TRPC4AP: variants seen among roughly 807,000 people sequenced by gnomAD.
TRPC4AP encodes transient receptor potential cation channel subfamily C member 4 associated protein.
A neutral mutation model predicts 99.0 loss-of-function variants in TRPC4AP; 45 were observed. That is an observed-to-expected ratio of 0.45 (90% CI 0.36 to 0.58). The LOEUF (loss-of-function observed/expected upper bound fraction) is 0.58, where lower values mean the gene tolerates loss of function less well. Among genes scored for constraint, TRPC4AP ranks in the 20% least tolerant of loss-of-function variants. The pLI is 0.00. For missense variants in TRPC4AP, 879 were observed against 985.3 expected (o/e 0.89, Z 1.44); for synonymous variants, 408 against 385.8 (o/e 1.06, Z -0.67).
intron 4 of TRPC4AP, among the ~76,000 whole-genome samples, 183 bp from the exon 5 acceptor site, chr20:35,055,214 C>T (rs376127660): frequency 1.3e-5 from 2 of 152,186 alleles, no homozygotes; most frequent in African/African-American, 4.8e-5. Flanking sequence ...AACCTACAAG[C>T]CCATTTGCAT....
chr20:35,024,318 C>T (rs893589387), intron 8 of TRPC4AP, among the ~76,000 whole-genome samples: 3 of 152,128 alleles, frequency 2.0e-5, no homozygotes, highest in Non-Finnish European at 4.4e-5. Flanking sequence ...CTTCCTATTT[C>T]CCACCAAACT....
At chr20:35,027,448 T>C (rs1400876033) in intron 8 of TRPC4AP, among the ~76,000 whole-genome samples, 1 of 152,256 alleles carries the variant, frequency 6.6e-6, no homozygotes, top group African/African-American at 2.4e-5. Context: ...AGTATTTTGT[T>C]GAAGATTTTT....
chr20:35,083,221 T>C (rs2084696431), intron 1 of TRPC4AP, among the ~76,000 whole-genome samples: 1 of 152,186 alleles, frequency 6.6e-6, no homozygotes, highest in Non-Finnish European at 1.5e-5. Context: ...AATGCAGTTT[T>C]AAAAACACTA....
Position 35,069,384 on chromosome 20 carries a change from G to T in TRPC4AP, c.326C>A (p.Ala109Asp), listed in dbSNP as rs1476155735. The T allele has an allele frequency of 2.5e-6, 4 of 1,611,964 alleles. No homozygotes were observed. Among genetic ancestry groups the T allele is most frequent in the Non-Finnish European group, 3.4e-6 (4 of 1,178,364 alleles). The change falls in exon 3 of 19, where the codon GCT (alanine) becomes GAT (aspartate). Residue 109 changes from alanine to aspartate, a missense_variant. By Grantham distance (126) the Ala-to-Asp change is moderately radical. This residue lies in a region of TRPC4AP where 603 missense variants were observed against 631.8 expected (regional missense o/e 0.95). Coordinates refer to ENST00000252015, the MANE Select transcript of TRPC4AP (RefSeq NM_015638.3). ...CCTCTCTTCAGTAACAAATGCCATA[G>T]CCTCCATGGAGAGAAGAGGAGAAAT... ...KEISPLLSME[A>D]MAFVTEERKL...
chr20:35,084,487 T>C (rs1041475329), intron 1 of TRPC4AP, among the ~76,000 whole-genome samples: 1 of 119,230 alleles, frequency 8.4e-6, no homozygotes, highest in African/African-American at 2.8e-5. Flanking sequence ...TGTGTATATA[T>C]GTATATATCT....
chr20:35,071,037 G>A (rs905035089), intron 2 of TRPC4AP, among the ~76,000 whole-genome samples: 1 of 152,022 alleles, frequency 6.6e-6, no homozygotes, highest in African/African-American at 2.4e-5. Context: ...CAAATAATGT[G>A]CAACTCTTTG....
chr20:35,029,133 C>T (rs111562961), intron 8 of TRPC4AP, among the ~76,000 whole-genome samples: 1 of 152,142 alleles, frequency 6.6e-6, no homozygotes, highest in Non-Finnish European at 1.5e-5. Flanking sequence ...CGCCTGTAAT[C>T]CCAACTACTT....
At chr20:35,056,083 T>A (rs889801793) in intron 4 of TRPC4AP, among the ~76,000 whole-genome samples, 1 of 152,214 alleles carries the variant, frequency 6.6e-6, no homozygotes, top group Admixed American at 6.5e-5. Context: ...CCTGCCAAGC[T>A]AGCTTGACTA....
At chr20:35,031,514 G>A (rs1351649179) in intron 8 of TRPC4AP, among the ~76,000 whole-genome samples, 1 of 150,624 alleles carries the variant, frequency 6.6e-6, no homozygotes, top group African/African-American at 2.5e-5. Flanking sequence ...GGGATTACAG[G>A]TGTGCGCCAA....
chr20:35,012,451 C>T (rs972466681), intron 11 of TRPC4AP, among the ~76,000 whole-genome samples: 1 of 152,234 alleles, frequency 6.6e-6, no homozygotes, highest in Non-Finnish European at 1.5e-5. Context: ...ATCACCTCCC[C>T]AATGCCAAGG....
At chr20:35,038,509 T>A (rs1323877021) in intron 7 of TRPC4AP, among the ~76,000 whole-genome samples, 1 of 152,180 alleles carries the variant, frequency 6.6e-6, no homozygotes. Context: ...CTATATATAC[T>A]AGAGTGTAAT....
At chr20:35,029,133 C>A (rs111562961) in intron 8 of TRPC4AP, among the ~76,000 whole-genome samples, 1 of 152,142 alleles carries the variant, frequency 6.6e-6, no homozygotes. Flanking sequence ...CGCCTGTAAT[C>A]CCAACTACTT....
intron 5 of TRPC4AP, among the ~76,000 whole-genome samples, chr20:35,054,601 C>T (rs2083782509): frequency 6.6e-6 from 1 of 152,162 alleles, no homozygotes; most frequent in African/African-American, 2.4e-5. Context: ...GGCGGGGCTT[C>T]TGGTTCTCAT....
At position 35,075,859 on chromosome 20, in the gene TRPC4AP, A is replaced by G. The variant is rs939442689; in HGVS notation, c.297+2187T>C. On this transcript the variant is annotated intron_variant, in intron 2 of 18. Transcript: ENST00000252015. ...ATAATATCCTGAAGAGTGTTTTCCA[A>G]CTTGGTTCCATTCTCCCCGTCACTT... Among the ~76,000 whole-genome samples the G allele has an allele frequency of 7.4e-4, 112 of 152,298 alleles. 1 individual carries two copies. Among genetic ancestry groups the G allele is most frequent in the African/African-American group, 2.4e-3 (101 of 41,562 alleles).
chr20:35,021,656 G>T (rs1046509310), intron 8 of TRPC4AP, among the ~76,000 whole-genome samples: 1 of 152,124 alleles, frequency 6.6e-6, no homozygotes, highest in Non-Finnish European at 1.5e-5. Flanking sequence ...CCCTTCTCCT[G>T]CCACCAACCA....
intron 5 of TRPC4AP, among the ~76,000 whole-genome samples, chr20:35,053,296 T>C (rs1314692413): frequency 6.6e-6 from 1 of 152,236 alleles, no homozygotes. Context: ...GTCTTATTTA[T>C]CATCCCATAT....
chr20:35,003,863 C>G (rs1043054745), intron 17 of TRPC4AP, among the ~76,000 whole-genome samples: 6 of 152,238 alleles, frequency 3.9e-5, no homozygotes, highest in African/African-American at 7.2e-5. Flanking sequence ...ACACCTGTCC[C>G]TGTCCAGACC....
chr20:35,054,772 G>C (rs2083786179), intron 5 of TRPC4AP, among the ~76,000 whole-genome samples: 1 of 152,146 alleles, frequency 6.6e-6, no homozygotes, highest in African/African-American at 2.4e-5. Context: ...CAGCAGTCCT[G>C]GCTCTTAACA....
intron 17 of TRPC4AP, 66 bp from the exon 18 acceptor site, chr20:35,003,682 G>C (rs1398605831): frequency 3.3e-6 from 5 of 1,536,844 alleles, no homozygotes; most frequent in Non-Finnish European, 4.4e-6. Context: ...GGTGAACCTG[G>C]GTAGCCATCA....
Sources: gnomAD v4.1 joint callset for allele counts (sites outside exome capture counted in the v4.1 genomes callset) on GRCh38, gnomAD v4.1.1 for gene constraint, gnomAD v4.1.1 regional missense constraint, MANE v1.5 for transcripts, NCBI Gene and HGNC (gene_info 2026-07-23, HGNC 2026-07-21) for gene names.